Variants in PDSS2 observed in about 807,000 individuals in gnomAD.
PDSS2 encodes the protein all trans-polyprenyl-diphosphate synthase PDSS2.
In PDSS2, 31 loss-of-function variants were observed where a neutral mutation model predicts 44.5. The ratio of observed to expected loss-of-function variants is 0.70; its 90% confidence interval spans 0.52 to 0.94. PDSS2 has a LOEUF of 0.94. Ranked by LOEUF, PDSS2 falls within the 40% of genes least tolerant of loss-of-function variation. PDSS2 has a pLI of 0.00. For missense variants in PDSS2, 452 were observed against 482.2 expected (o/e 0.94, Z 0.59); for synonymous variants, 157 against 180.3 (o/e 0.87, Z 1.03).
At chr6:107,365,172 A>G (rs1778924862) in intron 1 of PDSS2, among the ~76,000 whole-genome samples, 1 of 152,198 alleles carries the variant, frequency 6.6e-6, no homozygotes, top group Non-Finnish European at 1.5e-5. Flanking sequence ...ATGATTACAT[A>G]AAGCAAAAAT....
chr6:107,326,104 CTTTTTTTT>C (rs1177945820), intron 2 of PDSS2, among the ~76,000 whole-genome samples: 2 of 136,238 alleles, frequency 1.5e-5, no homozygotes, highest in Admixed American at 7.4e-5. Flanking sequence ...TTTCTTTTTT[CTTTTTTTT>C]TTTTTTTTGA....
intron 7 of PDSS2, among the ~76,000 whole-genome samples, chr6:107,184,190 A>T (rs12200194): frequency 0.31 from 46,377 of 151,950 alleles, 7,481 homozygotes; most frequent in East Asian, 0.53. Flanking sequence ...CACAGCAACA[A>T]CTGTTTTCTA....
chr6:107,182,198 T>C (rs1157496506), intron 7 of PDSS2, among the ~76,000 whole-genome samples: 1 of 152,086 alleles, frequency 6.6e-6, no homozygotes, highest in African/African-American at 2.4e-5. Context: ...AAGACTAGCT[T>C]GATGATAGGA....
At chr6:107,335,274 A>G (rs1269207869) in intron 1 of PDSS2, among the ~76,000 whole-genome samples, 1 of 151,554 alleles carries the variant, frequency 6.6e-6, no homozygotes, top group Non-Finnish European at 1.5e-5. Flanking sequence ...AATCTTAATC[A>G]TTTGCTCTGG....
At chr6:107,268,316 G>A (rs552226766) in intron 3 of PDSS2, among the ~76,000 whole-genome samples, 23 of 151,916 alleles carry the variant, frequency 1.5e-4, no homozygotes, top group South Asian at 1.2e-3. Flanking sequence ...AAAAAGAAGC[G>A]CTGAAACAAC....
intron 7 of PDSS2, among the ~76,000 whole-genome samples, chr6:107,183,880 G>C (rs1475374029): frequency 6.8e-6 from 1 of 147,428 alleles, no homozygotes; most frequent in African/African-American, 2.5e-5. Flanking sequence ...GGGCAACAGA[G>C]TGAGACTCCA....
chr6:107,218,031 C>T (rs1773473645), intron 4 of PDSS2, among the ~76,000 whole-genome samples: 1 of 152,208 alleles, frequency 6.6e-6, no homozygotes, highest in Non-Finnish European at 1.5e-5. Context: ...CAGAACCTTA[C>T]TAGTGCGGAT....
intron 4 of PDSS2, among the ~76,000 whole-genome samples, chr6:107,241,642 G>A (rs534449432): frequency 1.3e-5 from 2 of 152,030 alleles, no homozygotes; most frequent in African/African-American, 4.8e-5. Context: ...CACCGCACCC[G>A]GCTGCTCTAC....
At chr6:107,408,404 G>A in intron 1 of PDSS2, among the ~76,000 whole-genome samples, 1 of 152,120 alleles carries the variant, frequency 6.6e-6, no homozygotes, top group Admixed American at 6.5e-5. Flanking sequence ...TAATTTATCT[G>A]GAGAGAAAAC....
chr6:107,234,584 A>G (rs999697714), intron 4 of PDSS2, among the ~76,000 whole-genome samples: 10 of 151,866 alleles, frequency 6.6e-5, no homozygotes, highest in Non-Finnish European at 1.5e-4. Flanking sequence ...TGAATTCCCA[A>G]ATCATCTTTC....
intron 3 of PDSS2, among the ~76,000 whole-genome samples, chr6:107,250,263 T>C (rs1344506237): frequency 6.6e-6 from 1 of 150,544 alleles, no homozygotes; most frequent in Non-Finnish European, 1.5e-5. Flanking sequence ...ATTTACAAAA[T>C]AGAAGTAGTA....
rs9486614 is a variant in PDSS2 at position 107,420,552 on chromosome 6, G to A, written c.296+38438C>T. 7.9e-3 allele frequency among the ~76,000 whole-genome samples: 1,198 copies of A among 152,212 alleles called. 21 individuals are homozygous for A. Among genetic ancestry groups the A allele is most frequent in the African/African-American group, 0.026 (1,060 of 41,528 alleles). On this transcript the variant is annotated intron_variant, in intron 1 of 7. Transcript: ENST00000369037. ...ATACACCAACTGATTTTTCACAAAG[G>A]TACAAAAGTAGTTCAATGGAGGGAA... is the stretch of plus-strand genomic sequence containing the variant.
At chr6:107,201,039 T>C (rs923609094) in intron 6 of PDSS2, among the ~76,000 whole-genome samples, 1 of 152,088 alleles carries the variant, frequency 6.6e-6, no homozygotes, top group African/African-American at 2.4e-5. Flanking sequence ...GGAATCTATA[T>C]TTCAACAGCC....
In PDSS2 at chr6:107,429,904, ATATATATAT is replaced by A. The variant is rs1781132654; in HGVS notation, c.296+29077_296+29085del. On this transcript the variant is annotated intron_variant, in intron 1 of 7. Transcript: ENST00000369037. ...AGTCTCAAAAAAAAAAAAAAAAAAT[ATATATATAT>A]ATATATATATATATATATATATATA... 5.4e-3 allele frequency among the ~76,000 whole-genome samples: 179 copies of A among 33,362 alleles called. 16 individuals are homozygous for A. The highest frequency in any genetic ancestry group is 0.018 in the East Asian group (15 of 838). 21.9% of individuals were successfully genotyped at this position (33,362 alleles called of 152,430 possible).
At chr6:107,344,197 C>T (rs1778167336) in intron 1 of PDSS2, among the ~76,000 whole-genome samples, 1 of 151,888 alleles carries the variant, frequency 6.6e-6, no homozygotes, top group Non-Finnish European at 1.5e-5. Flanking sequence ...ATGTTAAAAA[C>T]ATAAATATAA....
chr6:107,316,166 C>T (rs1459870619), intron 2 of PDSS2, among the ~76,000 whole-genome samples: 1 of 152,142 alleles, frequency 6.6e-6, no homozygotes, highest in Admixed American at 6.5e-5. Flanking sequence ...AATAACTTGT[C>T]ATGACCAAAT....
intron 6 of PDSS2, among the ~76,000 whole-genome samples, chr6:107,209,311 G>A (rs1438142941): frequency 6.6e-6 from 1 of 152,170 alleles, no homozygotes; most frequent in Non-Finnish European, 1.5e-5. Flanking sequence ...GATCCTCTGA[G>A]GCTTGTCAAG....
At chr6:107,286,136 T>TAAATTAAAAAA (rs568159749) in intron 2 of PDSS2, among the ~76,000 whole-genome samples, 10 of 128,742 alleles carry the variant, frequency 7.8e-5, no homozygotes, top group African/African-American at 3.1e-4. Context: ...CGTCGCAAAA[T>TAAATTAAAAAA]AAAAAAAAAA....
At chr6:107,164,552 A>G (rs1554247220) in intron 7 of PDSS2, among the ~76,000 whole-genome samples, 3 of 152,162 alleles carry the variant, frequency 2.0e-5, no homozygotes, top group Non-Finnish European at 2.9e-5. Flanking sequence ...ACATTTTATC[A>G]ATCCAGTCTA....
Sources: gnomAD v4.1 joint callset for allele counts (sites outside exome capture counted in the v4.1 genomes callset) on GRCh38, gnomAD v4.1.1 for gene constraint, MANE v1.5 for transcripts, NCBI Gene and HGNC (gene_info 2026-07-23, HGNC 2026-07-21) for gene names.